The following ARID4B variants were observed in gnomAD, a reference collection of about 807,000 sequenced individuals.
ARID4B encodes AT-rich interaction domain 4B.
ARID4B carries 26 observed loss-of-function variants against 147.5 expected under a neutral mutation model. The observed-to-expected ratio is 0.18, with a 90% confidence interval of 0.13 to 0.24. The LOEUF is 0.24. Ranked by LOEUF, ARID4B falls within the 10% of genes least tolerant of loss-of-function variation. ARID4B has a pLI of 1.00. For missense variants in ARID4B, 1,179 were observed against 1,511.5 expected, an observed-to-expected ratio of 0.78 and a Z score of 3.65; for synonymous variants, 512 against 507.9, an observed-to-expected ratio of 1.01 and a Z score of -0.11.
intron 2 of ARID4B, among the ~76,000 whole-genome samples, chr1:235,318,792 G>A (rs772126724): frequency 2.8e-4 from 43 of 151,924 alleles, no homozygotes; most frequent in Non-Finnish European, 1.5e-4. Context: ...GAGGCAGGAA[G>A]ATCGCTTGAA....
intron 7 of ARID4B, among the ~76,000 whole-genome samples, chr1:235,240,954 C>G (rs1169536723): frequency 6.6e-6 from 1 of 152,040 alleles, no homozygotes; most frequent in Admixed American, 6.6e-5. Context: ...AAATACACAC[C>G]AATTAGGTAT....
At chr1:235,323,542 T>C (rs1045373436) in intron 2 of ARID4B, among the ~76,000 whole-genome samples, 5 of 152,016 alleles carry the variant, frequency 3.3e-5, no homozygotes, top group Admixed American at 6.6e-5. Context: ...CCCAGCACTT[T>C]GGGAGGCCGA....
intron 15 of ARID4B, 38 bp downstream of exon 15, chr1:235,220,264 C>T: frequency 6.5e-7 from 1 of 1,541,818 alleles, no homozygotes; most frequent in Non-Finnish European, 8.7e-7. Context: ...GAAAATATAC[C>T]AAAGAAAGCA....
rs915379475 is a variant in ARID4B, at chr1:235,182,019, T to A, written c.2900A>T (p.Glu967Val). Residue 967 changes from glutamate to valine, a missense_variant, in exon 20 of 24, where the codon GAG becomes GTG. By Grantham distance (121) the Glu-to-Val change is moderately radical. Coordinates refer to ENST00000264183, the MANE Select transcript of ARID4B (RefSeq NM_016374.6). ...CTCTTCAGCCACAGTCTGCAGTGAC[T>A]CCTCTGCCACCCCCTCCTCTGGGGC... ...HPAPEEGVAE[E>V]SLQTVAEEES... The A allele has an allele frequency of 3.1e-6, 5 of 1,614,028 alleles. No individual in the cohort carries two copies. In the African/African-American group the frequency reaches 6.7e-5, roughly 22 times the overall value.
intron 1 of ARID4B, 46 bp from the exon 2 acceptor site, chr1:235,327,014 T>G (rs1675322570): frequency 6.0e-6 from 8 of 1,333,010 alleles, no homozygotes; most frequent in Non-Finnish European, 7.5e-6. Flanking sequence ...CAGGAGCCCC[T>G]CTGCACTGGC....
intron 2 of ARID4B, among the ~76,000 whole-genome samples, chr1:235,263,715 G>C (rs574464730): frequency 6.6e-6 from 1 of 151,774 alleles, no homozygotes; most frequent in South Asian, 2.1e-4. Context: ...AGGGCTGGGC[G>C]CGGGACTCAC....
intron 17 of ARID4B, among the ~76,000 whole-genome samples, chr1:235,200,595 G>A (rs1665845946): frequency 6.6e-6 from 1 of 152,186 alleles, no homozygotes; most frequent in Non-Finnish European, 1.5e-5. Context: ...AGCAATATTA[G>A]TGGGTCAAGA....
At chr1:235,226,159 T>C (rs1343771906) in intron 11 of ARID4B, among the ~76,000 whole-genome samples, 2 of 152,212 alleles carry the variant, frequency 1.3e-5, no homozygotes, top group African/African-American at 4.8e-5. Flanking sequence ...ACAAAAACAC[T>C]TGTGAAAACA....
chr1:235,306,625 A>AT (rs1673587265), intron 2 of ARID4B, among the ~76,000 whole-genome samples: 1 of 152,200 alleles, frequency 6.6e-6, no homozygotes, highest in Non-Finnish European at 1.5e-5. Context: ...ATGTGAATAT[A>AT]TAATTTTAGG....
intron 17 of ARID4B, among the ~76,000 whole-genome samples, chr1:235,201,613 C>T (rs1004982143): frequency 6.6e-6 from 1 of 152,146 alleles, no homozygotes; most frequent in African/African-American, 2.4e-5. Context: ...TGTGAGCCAC[C>T]GCATCTGGCG....
intron 9 of ARID4B, among the ~76,000 whole-genome samples, chr1:235,232,535 G>A (rs1465170321): frequency 1.3e-5 from 2 of 150,594 alleles, no homozygotes; most frequent in Non-Finnish European, 3.0e-5. Context: ...GAACTCAGGA[G>A]TTCAAGACCA....
intron 17 of ARID4B, among the ~76,000 whole-genome samples, chr1:235,200,408 G>A (rs1037467971): frequency 5.3e-5 from 8 of 152,078 alleles, no homozygotes; most frequent in African/African-American, 1.9e-4. Context: ...GCAGTGAGCC[G>A]AGATCGCATG....
chr1:235,249,337 A>T (rs1371015170), intron 6 of ARID4B, among the ~76,000 whole-genome samples: 7 of 152,124 alleles, frequency 4.6e-5, no homozygotes, highest in Admixed American at 6.6e-5. Context: ...TGTCTCAAAA[A>T]AATAAATAAA....
At chr1:235,229,506 G>C in intron 10 of ARID4B, 121 bp from the exon 11 acceptor site, 1 of 704,380 alleles carries the variant, frequency 1.4e-6, no homozygotes, top group Non-Finnish European at 2.4e-6. Context: ...TTTATTGTTT[G>C]CTATGTACCA....
chr1:235,180,141 T>TTC (rs1664215552), intron 20 of ARID4B: 2 of 71,720 alleles, frequency 2.8e-5, no homozygotes, highest in Non-Finnish European at 7.1e-5. Flanking sequence ...TTTTTTCTTT[T>TTC]TTTTTTTTTT....
In ARID4B at chr1:235,167,251, CA is replaced by C. The variant is rs369648634; in HGVS notation, c.*1273del. The C allele has an allele frequency of 2.8e-5, 6 of 214,056 alleles. No individual in the cohort carries two copies. Among genetic ancestry groups the C allele is most frequent in the Middle Eastern group, 1.5e-3 (1 of 680 alleles). The allele number at this position is 214,056 out of a possible 1,614,324, so 13.3% of individuals were successfully genotyped here. On this transcript the variant is annotated 3_prime_UTR_variant, in exon 24 of 24. Coordinates refer to ENST00000264183, the MANE Select transcript of ARID4B (RefSeq NM_016374.6). ...ACAAAGAAAACATGCCAGCCCCATC[CA>C]AAAAAAGTACACAGAACTACAATTA...
At chr1:235,251,100 A>C (rs1669615406) in intron 6 of ARID4B, among the ~76,000 whole-genome samples, 2 of 152,112 alleles carry the variant, frequency 1.3e-5, no homozygotes, top group Non-Finnish European at 2.9e-5. Flanking sequence ...TTTATTCCAC[A>C]CATATTTATT....
At position 235,220,499 on chromosome 1, in the gene ARID4B, A is replaced by G; in HGVS notation, c.1210T>C (p.Phe404Leu). 6.2e-7 allele frequency: 1 copy of G among 1,612,604 alleles called. No individual in the cohort carries two copies. Among genetic ancestry groups the G allele is most frequent in the Non-Finnish European group, 8.5e-7 (1 of 1,178,962 alleles). ...ACTTTCTCTGGCAATGCCATCTGAA[A>G]TTCAATGTTGGCTGATCTACAGTAC... ...EEYCRSANIEFQMALPEKVVN... is the reference protein window; with the variant it reads ...EEYCRSANIELQMALPEKVVN... Residue 404 changes from phenylalanine (F) to leucine (L), a missense_variant, in exon 15 of 24, where the codon TTT becomes CTT. Around this residue, in one of 10 missense-constraint regions of ARID4B, gnomAD observed 204 missense variants for 210.9 expected, o/e 0.97. Coordinates refer to ENST00000264183, the MANE Select transcript of ARID4B (RefSeq NM_016374.6).
chr1:235,218,522 C>T (rs1341141528), intron 16 of ARID4B, among the ~76,000 whole-genome samples: 1 of 152,132 alleles, frequency 6.6e-6, no homozygotes, highest in East Asian at 1.9e-4. Flanking sequence ...TTTAAACATA[C>T]ACTTCTACAC....
Sources: allele counts gnomAD v4.1 joint callset (sites outside exome capture counted in the v4.1 genomes callset), GRCh38; gene constraint gnomAD v4.1.1; regional missense constraint gnomAD v4.1.1; transcripts MANE v1.5; gene names NCBI Gene and HGNC (gene_info 2026-07-23, HGNC 2026-07-21).